Variants in DOK2 observed in about 807,000 individuals in gnomAD.
DOK2 encodes docking protein 2, 56kD.
A neutral mutation model predicts 26.0 loss-of-function variants in DOK2; 28 were observed. The observed-to-expected ratio is 1.08, with a 90% CI of 0.80 to 1.48. The LOEUF (loss-of-function observed/expected upper bound fraction) is 1.48, where lower values mean the gene tolerates loss of function less well. Ranked by LOEUF, DOK2 falls within the 40% of genes most tolerant of loss-of-function variation. DOK2 has a pLI of 0.00. For missense variants in DOK2, 682 were observed against 558.2 expected, an observed-to-expected ratio of 1.22 and a Z score of -2.23; for synonymous variants, 282 against 236.9, an observed-to-expected ratio of 1.19 and a Z score of -1.75.
At chr8:21,911,228 C>A (rs148071317) in intron 3 of DOK2, among the ~76,000 whole-genome samples, 1 of 152,332 alleles carries the variant, frequency 6.6e-6, no homozygotes, top group Non-Finnish European at 1.5e-5. Flanking sequence ...AGCCTTGGCC[C>A]TGCCCTCCCA....
intron 1 of DOK2, 171 bp from the exon 2 acceptor site, chr8:21,912,681 T>C (rs1267691602): frequency 6.2e-6 from 4 of 647,524 alleles, no homozygotes; most frequent in Non-Finnish European, 1.0e-5. Context: ...AAGAGGACAG[T>C]GACTGCAGGA....
chr8:21,911,735 T>G (rs936407998), intron 3 of DOK2, among the ~76,000 whole-genome samples, 166 bp downstream of exon 3: 2 of 152,130 alleles, frequency 1.3e-5, no homozygotes, highest in African/African-American at 4.8e-5. Flanking sequence ...TACGTTGGGC[T>G]GCACCCGGAA....
intron 1 of DOK2, 44 bp from the exon 2 acceptor site, chr8:21,912,554 AGAGAC>A (rs1809901396): frequency 6.9e-7 from 1 of 1,453,064 alleles, no homozygotes; most frequent in African/African-American, 1.4e-5. Context: ...GGAGCCACCC[AGAGAC>A]GGGGAGATCG....
chr8:21,913,504 C>T (rs1379283134), intron 1 of DOK2, 35 bp downstream of exon 1: 1 of 1,612,350 alleles, frequency 6.2e-7, no homozygotes, highest in East Asian at 2.2e-5. Flanking sequence ...GCCTCCCAGG[C>T]CCCCTGCCCA....
intron 4 of DOK2, among the ~76,000 whole-genome samples, 179 bp downstream of exon 4, chr8:21,910,494 T>A (rs544349080): frequency 6.6e-5 from 10 of 152,210 alleles, no homozygotes; most frequent in Non-Finnish European, 1.3e-4. Flanking sequence ...CCCTCTACGG[T>A]CTCTCCACCT....
chr8:21,913,285 A>G (rs3758156), intron 1 of DOK2, among the ~76,000 whole-genome samples: 86,955 of 152,014 alleles, frequency 0.57, 25,602 homozygotes, highest in African/African-American at 0.72. Flanking sequence ...AAGAGATGAA[A>G]GCAGCACATC....
chr8:21,912,563 G>A (rs911913808), intron 1 of DOK2, 53 bp from the exon 2 acceptor site: 1 of 1,449,234 alleles, frequency 6.9e-7, no homozygotes, highest in Non-Finnish European at 9.0e-7. Flanking sequence ...CAGAGACGGG[G>A]AGATCGTGAG....
In DOK2 at chr8:21,909,179, T is replaced by C. The variant is rs912857281; in HGVS notation, c.*132A>G. On this transcript the variant is annotated 3_prime_UTR_variant, in exon 5 of 5. Transcript: ENST00000276420. ...ACCCAGCAGGCCCTGGGAGAGGCAA[T>C]TTATCAGCCCCAACGAAGACAGGCC... 3 of 1,186,268 alleles carry C rather than the reference T, an allele frequency of 2.5e-6. No individual in the cohort carries two copies. Among genetic ancestry groups the C allele is most frequent in the African/African-American group, 3.1e-5 (2 of 65,268 alleles). 73.5% of individuals were successfully genotyped at this position (1,186,268 alleles called of 1,614,324 possible). A position where few individuals can be genotyped will look rare whatever the true frequency, so the allele number is the denominator to read the frequency against.
intron 3 of DOK2, among the ~76,000 whole-genome samples, chr8:21,911,450 T>C (rs1490266223): frequency 6.6e-6 from 1 of 151,970 alleles, no homozygotes; most frequent in Admixed American, 6.6e-5. Context: ...CTACTAAAAA[T>C]ACAAAAAATT....
chr8:21,912,448 C>T lies in DOK2; in HGVS notation c.126G>A (p.Glu42=). The T allele has an allele frequency of 6.4e-7, 1 of 1,567,802 alleles. No homozygotes were observed. Among genetic ancestry groups the T allele is most frequent in the South Asian group, 1.2e-5 (1 of 85,972 alleles). ...GGSDCALARL[E]LQEGPEKPRR... ...GAGGCTTCTCCGGGCCCTCCTGCAG[C>T]TCCAGCCGGGCCAAGGCGCAGTCCG... The change falls in exon 2 of 5, where the codon GAG becomes GAA. Residue 42 remains glutamate (E), a synonymous_variant. Transcript: ENST00000276420.
chr8:21,909,970 G>A, intron 4 of DOK2, 39 bp from the exon 5 acceptor site: 1 of 1,534,796 alleles, frequency 6.5e-7, no homozygotes, highest in Non-Finnish European at 8.7e-7. Flanking sequence ...CCAGGCCACA[G>A]GGCAGGGGTG....
intron 1 of DOK2, among the ~76,000 whole-genome samples, chr8:21,913,178 A>G (rs1809923407): frequency 6.6e-6 from 1 of 152,080 alleles, no homozygotes; most frequent in African/African-American, 2.4e-5. Flanking sequence ...AGGAACCTCT[A>G]TTGTCATCCT....
chr8:21,912,977 C>G (rs1430547702), intron 1 of DOK2, among the ~76,000 whole-genome samples: 1 of 152,178 alleles, frequency 6.6e-6, no homozygotes, highest in African/African-American at 2.4e-5. Flanking sequence ...ACCTTGCTGC[C>G]TCATTCCTTG....
At chr8:21,910,387 CAG>C (rs1257893691) in intron 4 of DOK2, among the ~76,000 whole-genome samples, 1 of 152,154 alleles carries the variant, frequency 6.6e-6, no homozygotes, top group Non-Finnish European at 1.5e-5. Context: ...CCCCTACAGG[CAG>C]AGACTTGGCT....
At chr8:21,911,361 C>A (rs1809837671) in intron 3 of DOK2, among the ~76,000 whole-genome samples, 1 of 152,188 alleles carries the variant, frequency 6.6e-6, no homozygotes. Context: ...AATCCCAACA[C>A]TTTGGGAGGC....
chr8:21,913,462 G>C lies in DOK2; in HGVS notation c.63+77C>G, dbSNP rs1176809235. 13 of 1,571,310 alleles carry C rather than the reference G, an allele frequency of 8.3e-6. No homozygotes were observed. In the African/African-American group the frequency reaches 1.8e-4, roughly 21 times the overall value. On this transcript the variant is annotated intron_variant, in intron 1 of 4. Coordinates refer to ENST00000276420, the MANE Select transcript of DOK2 (RefSeq NM_003974.4). ...TCAGACCTATAAGGGTTTTGAATAT[G>C]AAACTCCCTCTCCAACCCAGGAATT...
chr8:21,910,610 C>T, intron 4 of DOK2, 63 bp downstream of exon 4: 1 of 1,593,242 alleles, frequency 6.3e-7, no homozygotes, highest in African/African-American at 1.3e-5. Flanking sequence ...CGCTGCTTCT[C>T]ACCCCTCTTT....
At position 21,912,517 on chromosome 8, in the gene DOK2, C is replaced by CAGAGGCGTG. The variant is rs1809898962; in HGVS notation, c.64-16_64-8dup. ...CGCCGAAGCGGCGCCATTTCTGTGC[C>CAGAGGCGTG]AGAGGCGTGGGAGGCGGGGGCGGGA... On this transcript the variant is annotated splice_polypyrimidine_tract_variant and splice_region_variant and intron_variant, in intron 1 of 4. Transcript: ENST00000276420. The CAGAGGCGTG allele has an allele frequency of 6.6e-7, 1 of 1,504,536 alleles. No individual in the cohort carries two copies. The highest frequency in any genetic ancestry group is 8.9e-7 in the Non-Finnish European group (1 of 1,129,244). 93.2% of individuals were successfully genotyped at this position (1,504,536 alleles called of 1,614,324 possible).
chr8:21,909,981 CA>C, intron 4 of DOK2, 50 bp from the exon 5 acceptor site: 1 of 1,460,530 alleles, frequency 6.8e-7, no homozygotes, highest in African/African-American at 1.4e-5. Context: ...GGCAGGGGTG[CA>C]TTTTTTTTTT....
Sources: gnomAD v4.1 joint callset for allele counts (sites outside exome capture counted in the v4.1 genomes callset) on GRCh38, gnomAD v4.1.1 for gene constraint, MANE v1.5 for transcripts, NCBI Gene and HGNC (gene_info 2026-07-23, HGNC 2026-07-21) for gene names.